EPHA6: variants seen among roughly 807,000 people sequenced by gnomAD.
The protein encoded by EPHA6 is EPH receptor A6, also known as ephrin type-A receptor 6.
In EPHA6, 50 loss-of-function variants were observed where a neutral mutation model predicts 112.0. The ratio of observed to expected loss-of-function variants is 0.45; its 90% CI spans 0.36 to 0.56. The LOEUF is 0.56. Ranked by LOEUF, EPHA6 falls within the 20% of genes least tolerant of loss-of-function variation. The pLI is 0.00. For missense variants in EPHA6, 1,280 were observed against 1,417.4 expected (o/e 0.90, Z 1.56); for synonymous variants, 529 against 490.7 (o/e 1.08, Z -1.03).
At chr3:97,276,242 C>T (rs1559845966) in intron 5 of EPHA6, among the ~76,000 whole-genome samples, 1 of 152,172 alleles carries the variant, frequency 6.6e-6, no homozygotes, top group Non-Finnish European at 1.5e-5. Context: ...CAGTGTCAGT[C>T]TTCAGCCTCT....
At chr3:97,301,173 A>G (rs1203522353) in intron 5 of EPHA6, among the ~76,000 whole-genome samples, 1 of 152,152 alleles carries the variant, frequency 6.6e-6, no homozygotes, top group Non-Finnish European at 1.5e-5. Flanking sequence ...AGGGTATTTA[A>G]AAAAGAGAGA....
chr3:97,187,095 G>A (rs2077160270), intron 3 of EPHA6, among the ~76,000 whole-genome samples: 2 of 152,058 alleles, frequency 1.3e-5, no homozygotes, highest in African/African-American at 4.8e-5. Flanking sequence ...CTCCGTGGTG[G>A]CTTACAACAA....
At chr3:96,887,204 C>T (rs968368806) in intron 2 of EPHA6, among the ~76,000 whole-genome samples, 1 of 147,512 alleles carries the variant, frequency 6.8e-6, no homozygotes, top group Non-Finnish European at 1.5e-5. Flanking sequence ...CTGGTTCCTT[C>T]TCATTTGGGT....
intron 1 of EPHA6, among the ~76,000 whole-genome samples, chr3:96,864,173 T>C (rs1434732583): frequency 6.6e-6 from 1 of 152,054 alleles, no homozygotes; most frequent in Non-Finnish European, 1.5e-5. Context: ...GGATAGTTTA[T>C]TTAAAAAACA....
chr3:96,955,723 T>G lies in EPHA6; in HGVS notation c.451-31607T>G, dbSNP rs1418863128. On this transcript the variant is annotated intron_variant, in intron 2 of 17. Coordinates refer to ENST00000389672, the MANE Select transcript of EPHA6 (RefSeq NM_001080448.3). ...ACCTTCACGGATGGAATTCAATGAT[T>G]TAAAAATATATATAATGAACAAAAA... 2.0e-5 allele frequency among the ~76,000 whole-genome samples: 3 copies of G among 152,198 alleles called. No individual in the cohort carries two copies. In the East Asian group the frequency reaches 5.8e-4, roughly 29 times the overall value.
chr3:97,169,244 T>G (rs2076625397), intron 3 of EPHA6, among the ~76,000 whole-genome samples: 1 of 152,184 alleles, frequency 6.6e-6, no homozygotes, highest in South Asian at 2.1e-4. Context: ...CACACATTTT[T>G]AAGCAATCAA....
At chr3:96,882,342 T>G (rs923493552) in intron 2 of EPHA6, among the ~76,000 whole-genome samples, 2 of 152,138 alleles carry the variant, frequency 1.3e-5, no homozygotes, top group African/African-American at 4.8e-5. Flanking sequence ...AAGTCCTAAT[T>G]CTGTTTTTTA....
At chr3:97,063,386 A>G (rs1442093589) in intron 3 of EPHA6, among the ~76,000 whole-genome samples, 1 of 152,192 alleles carries the variant, frequency 6.6e-6, no homozygotes, top group East Asian at 1.9e-4. Context: ...AAGGAACAAG[A>G]TAGTGTCCTT....
intron 5 of EPHA6, among the ~76,000 whole-genome samples, chr3:97,376,897 A>G (rs982767764): frequency 6.6e-6 from 1 of 152,208 alleles, no homozygotes; most frequent in African/African-American, 2.4e-5. Flanking sequence ...GGAATATCAG[A>G]ATATTTAGTA....
intron 3 of EPHA6, among the ~76,000 whole-genome samples, chr3:97,028,084 G>A (rs2213260): frequency 0.29 from 43,394 of 151,966 alleles, 10,867 homozygotes; most frequent in African/African-American, 0.66. Context: ...CCAAAAGTGG[G>A]AAATAAAAGC....
chr3:97,444,075 A>G (rs1313236610), intron 6 of EPHA6, among the ~76,000 whole-genome samples: 6 of 152,170 alleles, frequency 3.9e-5, no homozygotes, highest in African/African-American at 1.2e-4. Context: ...TCACAAGACT[A>G]TTATGAAGAT....
chr3:97,414,293 C>G (rs1456358488), intron 6 of EPHA6, among the ~76,000 whole-genome samples: 2 of 151,876 alleles, frequency 1.3e-5, no homozygotes, highest in Non-Finnish European at 2.9e-5. Context: ...TGAGGCATTC[C>G]CCTGCTTCAA....
At position 97,027,162 on chromosome 3, in the gene EPHA6, A is replaced by G. The variant is rs146817337; in HGVS notation, c.1114+39169A>G. 1.8e-3 allele frequency among the ~76,000 whole-genome samples: 277 copies of G among 152,312 alleles called. 7 individuals are homozygous for G. The East Asian group carries it at 0.049, about 27-fold the overall frequency. On this transcript the variant is annotated intron_variant, in intron 3 of 17. Coordinates refer to ENST00000389672, the MANE Select transcript of EPHA6 (RefSeq NM_001080448.3). The stretch of plus-strand genomic sequence containing the variant: ...AAGGATTTGGATGGAGCTGGAGGCC[A>G]TTATCCTTAGCAAACTAACACAGGA...
At chr3:96,900,263 G>C (rs1400812169) in intron 2 of EPHA6, among the ~76,000 whole-genome samples, 1 of 152,178 alleles carries the variant, frequency 6.6e-6, no homozygotes, top group Non-Finnish European at 1.5e-5. Context: ...CATAGCCATT[G>C]AACTAGTGAG....
intron 2 of EPHA6, among the ~76,000 whole-genome samples, chr3:96,896,953 A>G (rs2038303851): frequency 6.6e-6 from 1 of 152,174 alleles, no homozygotes; most frequent in Admixed American, 6.6e-5. Context: ...CCCAAATATT[A>G]TTATAGTATT....
At chr3:97,571,373 TAA>T (rs74488218) in intron 11 of EPHA6, among the ~76,000 whole-genome samples, 1 of 142,460 alleles carries the variant, frequency 7.0e-6, no homozygotes, top group African/African-American at 2.6e-5. Context: ...AAACCCTCCT[TAA>T]AAAAAAAAAA....
At chr3:97,356,454 G>T (rs2084083811) in intron 5 of EPHA6, among the ~76,000 whole-genome samples, 1 of 152,000 alleles carries the variant, frequency 6.6e-6, no homozygotes, top group South Asian at 2.1e-4. Context: ...AAGACGTTGG[G>T]GACAGCTGTT....
At chr3:97,066,544 C>T (rs1260572706) in intron 3 of EPHA6, among the ~76,000 whole-genome samples, 1 of 152,080 alleles carries the variant, frequency 6.6e-6, no homozygotes, top group Non-Finnish European at 1.5e-5. Flanking sequence ...CTGCAGGAGA[C>T]ATACCAGTGT....
rs1182455934 is a variant in EPHA6 at position 97,749,315 on chromosome 3, A to G, written c.*614A>G. The G allele has an allele frequency of 9.3e-6, 2 of 215,010 alleles. No individual in the cohort carries two copies. Among genetic ancestry groups the G allele is most frequent in the Non-Finnish European group, 1.9e-5 (2 of 106,644 alleles). 13.3% of individuals were successfully genotyped at this position (215,010 alleles called of 1,614,324 possible). Reference sequence around the variant, plus strand: ...GAAGGGGGTTATTAGGGAGGGAGAAAAAAATACTGTGTTTATAAATCTTCT... The same window carrying G: ...GAAGGGGGTTATTAGGGAGGGAGAAGAAAATACTGTGTTTATAAATCTTCT... On this transcript the variant is annotated 3_prime_UTR_variant, in exon 18 of 18. Coordinates refer to ENST00000389672, the MANE Select transcript of EPHA6 (RefSeq NM_001080448.3).
Sources: gnomAD v4.1 joint callset for allele counts (sites outside exome capture counted in the v4.1 genomes callset) on GRCh38, gnomAD v4.1.1 for gene constraint, MANE v1.5 for transcripts, NCBI Gene and HGNC (gene_info 2026-07-23, HGNC 2026-07-21) for gene names.